BRDT: variants seen among roughly 807,000 people sequenced by gnomAD.
The protein encoded by BRDT is bromodomain testis-specific protein.
A neutral mutation model predicts 113.9 loss-of-function variants in BRDT; 77 were observed. The observed-to-expected ratio is 0.68, with a 90% CI of 0.56 to 0.82. The LOEUF is 0.82. BRDT is among the 40% of genes least tolerant of loss of function. The pLI is 0.00. For synonymous variants in BRDT, 358 were observed against 366.5 expected, an observed-to-expected ratio of 0.98 and a Z score of 0.26; for missense variants, 1,027 against 1,105.4, an observed-to-expected ratio of 0.93 and a Z score of 1.01.
intron 12 of BRDT, among the ~76,000 whole-genome samples, chr1:91,986,018 C>T (rs1312652868): frequency 1.3e-5 from 2 of 152,116 alleles, no homozygotes; most frequent in Non-Finnish European, 1.5e-5. Flanking sequence ...TTTTATTTAT[C>T]TTTTTGACTG....
chr1:91,991,112 A>G, intron 12 of BRDT, 72 bp from the exon 13 acceptor site: 1 of 1,020,978 alleles, frequency 9.8e-7, no homozygotes, highest in Non-Finnish European at 1.4e-6. Flanking sequence ...TGTGTTTCTA[A>G]TATGGAAAAA....
intron 15 of BRDT, among the ~76,000 whole-genome samples, chr1:91,995,419 G>A (rs1218953724): frequency 9.3e-5 from 1 of 10,780 alleles, no homozygotes; most frequent in Non-Finnish European, 1.1e-3. Flanking sequence ...GTGTGTGTGT[G>A]TGTGTGTGTG....
At chr1:91,980,133 A>C (rs191405135) in intron 8 of BRDT, among the ~76,000 whole-genome samples, 36 of 152,312 alleles carry the variant, frequency 2.4e-4, no homozygotes, top group African/African-American at 8.2e-4. Context: ...CCAACCAGGC[A>C]CCGTGGCTCA....
intron 12 of BRDT, among the ~76,000 whole-genome samples, chr1:91,987,714 T>C (rs191304340): frequency 6.6e-6 from 1 of 152,300 alleles, no homozygotes; most frequent in Non-Finnish European, 1.5e-5. Context: ...TCAAGTTTTT[T>C]AGTTCAAATT....
chr1:92,013,495 A>T (rs973761142), intron 18 of BRDT, among the ~76,000 whole-genome samples: 4 of 152,162 alleles, frequency 2.6e-5, no homozygotes, highest in African/African-American at 9.7e-5. Flanking sequence ...TTTTAAAAAT[A>T]ATTTTGTGAA....
chr1:92,011,157 C>T (rs911008715), intron 18 of BRDT, among the ~76,000 whole-genome samples: 2 of 152,118 alleles, frequency 1.3e-5, no homozygotes, highest in South Asian at 2.1e-4. Context: ...CTGTCAGCCA[C>T]GTATTTTATA....
At chr1:92,006,151 G>T (rs1204341816) in intron 18 of BRDT, among the ~76,000 whole-genome samples, 1 of 151,990 alleles carries the variant, frequency 6.6e-6, no homozygotes, top group Non-Finnish European at 1.5e-5. Flanking sequence ...CCTGGCTTAT[G>T]GTCTACTTTG....
chr1:92,011,793 A>G (rs1354123858), intron 18 of BRDT, among the ~76,000 whole-genome samples: 1 of 152,196 alleles, frequency 6.6e-6, no homozygotes, highest in Non-Finnish European at 1.5e-5. Flanking sequence ...TCTATTTGCT[A>G]TCATTTTTGA....
intron 6 of BRDT, 30 bp from the exon 7 acceptor site, chr1:91,978,138 T>A (rs749302946): frequency 1.9e-6 from 3 of 1,583,512 alleles, no homozygotes; most frequent in South Asian, 1.1e-5. Flanking sequence ...TTGAACTATT[T>A]GTGAATCCTG....
Position 91,977,205 on chromosome 1 carries a change from T to C in BRDT, c.781T>C (p.Tyr261His). ...KNVLPDSQQQ[Y>H]NVVKTVKVTE... ...TGTTTTGCCAGATTCTCAGCAACAA[T>C]ATAATGTTGTGAAGACTGTTAAAGT... Residue 261 changes from tyrosine to histidine, a missense_variant, in exon 6 of 19, where the codon TAT (tyrosine) becomes CAT (histidine). Physicochemically the swap from Tyr to His is moderately conservative, Grantham distance 83. Transcript: ENST00000399546. 2 of 1,614,052 alleles carry C rather than the reference T, an allele frequency of 1.2e-6. No homozygotes were observed. The highest frequency in any genetic ancestry group is 1.7e-6 in the Non-Finnish European group (2 of 1,179,966).
At chr1:91,993,293 T>C (rs192813036) in intron 14 of BRDT, among the ~76,000 whole-genome samples, 18 of 152,364 alleles carry the variant, frequency 1.2e-4, no homozygotes, top group Admixed American at 3.3e-4. Flanking sequence ...GGAGAAAGAC[T>C]GTCTTATTTA....
Position 91,981,019 on chromosome 1 carries a change from G to A in BRDT, c.1591G>A (p.Gly531Arg), listed in dbSNP as rs1379661287. The change falls in exon 10 of 19, where the codon GGG becomes AGG. Residue 531 changes from glycine to arginine, a missense_variant. Coordinates refer to ENST00000399546, the MANE Select transcript of BRDT (RefSeq NM_207189.4). ...AAACAAACTCCCTGGAGATAAACTT[G>A]GGCGAGTAGTTCACATAATACAATC... The part of the protein sequence containing the change: ...NINKLPGDKL[G>R]RVVHIIQSRE... 5.0e-6 allele frequency: 8 copies of A among 1,613,974 alleles called. No homozygotes were observed. Among genetic ancestry groups the A allele is most frequent in the Non-Finnish European group, 6.8e-6 (8 of 1,180,006 alleles).
intron 4 of BRDT, among the ~76,000 whole-genome samples, chr1:91,973,932 A>G (rs1683866874): frequency 6.6e-6 from 1 of 152,184 alleles, no homozygotes; most frequent in Non-Finnish European, 1.5e-5. Flanking sequence ...TGGTACCAAA[A>G]CAGAGATACA....
intron 12 of BRDT, among the ~76,000 whole-genome samples, chr1:91,983,797 G>A (rs1050358646): frequency 6.0e-5 from 9 of 150,978 alleles, no homozygotes; most frequent in African/African-American, 1.9e-4. Context: ...TCCTCCTACC[G>A]CAGTCTCCCA....
chr1:91,972,822 C>A (rs1486591769), intron 4 of BRDT, among the ~76,000 whole-genome samples: 1 of 152,136 alleles, frequency 6.6e-6, no homozygotes, highest in Non-Finnish European at 1.5e-5. Context: ...AGAGTAGTGA[C>A]AACTCAGACA....
intron 15 of BRDT, among the ~76,000 whole-genome samples, chr1:91,997,617 A>G (rs1686466324): frequency 6.6e-6 from 1 of 152,262 alleles, no homozygotes. Flanking sequence ...CACCCTATCT[A>G]TGAAAAGTCA....
chr1:92,002,027 T>C, intron 15 of BRDT, 22 bp from the exon 16 acceptor site: 1 of 1,522,994 alleles, frequency 6.6e-7, no homozygotes, highest in Non-Finnish European at 9.1e-7. Flanking sequence ...AATTATACTA[T>C]TCTAAAAATG....
chr1:92,005,385 TG>T (rs1687209367), intron 18 of BRDT, 86 bp downstream of exon 18: 1 of 1,270,556 alleles, frequency 7.9e-7, no homozygotes, highest in Non-Finnish European at 1.0e-6. Flanking sequence ...AGGATGCATT[TG>T]GGGTAATTTT....
intron 4 of BRDT, 36 bp downstream of exon 4, chr1:91,968,296 CT>C (rs753146789): frequency 3.7e-6 from 6 of 1,602,512 alleles, no homozygotes; most frequent in Middle Eastern, 1.7e-4. Context: ...GGTTCTCTCT[CT>C]TTTTTTCCCC....
Sources: gnomAD v4.1 joint callset for allele counts (sites outside exome capture counted in the v4.1 genomes callset) on GRCh38, gnomAD v4.1.1 for gene constraint, MANE v1.5 for transcripts, NCBI Gene and HGNC (gene_info 2026-07-23, HGNC 2026-07-21) for gene names.